COX7B2: variants seen among roughly 807,000 people sequenced by gnomAD.
The protein encoded by COX7B2 is cytochrome c oxidase subunit 7B2.
For synonymous variants in COX7B2, 37 were observed against 32.1 expected (o/e 1.15, Z -0.51); for missense variants, 109 against 95.9 (o/e 1.14, Z -0.57).
At chr4:46,735,633 C>T (rs1714319049) in intron 2 of COX7B2, among the ~76,000 whole-genome samples, 1 of 152,198 alleles carries the variant, frequency 6.6e-6, no homozygotes, top group Non-Finnish European at 1.5e-5. Context: ...TTTTCTCCCT[C>T]CTGCTTAACC....
At chr4:46,743,263 T>C (rs779072373) in intron 2 of COX7B2, among the ~76,000 whole-genome samples, 3 of 152,226 alleles carry the variant, frequency 2.0e-5, no homozygotes, top group Non-Finnish European at 2.9e-5. Flanking sequence ...GGTCCCAAAA[T>C]GTGCTAGTCC....
At chr4:46,834,203 T>G (rs530917034) in intron 2 of COX7B2, among the ~76,000 whole-genome samples, 1 of 152,232 alleles carries the variant, frequency 6.6e-6, no homozygotes, top group African/African-American at 2.4e-5. Flanking sequence ...ATAAATATAG[T>G]ATGATCCCAA....
intron 2 of COX7B2, among the ~76,000 whole-genome samples, chr4:46,755,385 C>T (rs1715724970): frequency 6.6e-6 from 1 of 151,868 alleles, no homozygotes; most frequent in East Asian, 1.9e-4. Context: ...TTCTAATTCC[C>T]TCTAATCTAA....
chr4:46,788,676 A>G (rs1398695727), intron 2 of COX7B2, among the ~76,000 whole-genome samples: 2 of 152,196 alleles, frequency 1.3e-5, no homozygotes, highest in East Asian at 1.9e-4. Context: ...ATGTATTTGT[A>G]TATATAACTT....
At chr4:46,864,447 G>T (rs1026827562) in intron 1 of COX7B2, among the ~76,000 whole-genome samples, 1 of 152,108 alleles carries the variant, frequency 6.6e-6, no homozygotes, top group Admixed American at 6.5e-5. Context: ...TCCAAGTTGT[G>T]CCTCTGGATC....
intron 2 of COX7B2, among the ~76,000 whole-genome samples, chr4:46,811,733 G>A (rs1020580494): frequency 6.6e-6 from 1 of 152,120 alleles, no homozygotes; most frequent in Non-Finnish European, 1.5e-5. Context: ...CTGAATTGAT[G>A]TCTGTGCATC....
chr4:46,798,589 G>T (rs1335238655), intron 2 of COX7B2, among the ~76,000 whole-genome samples: 1 of 152,166 alleles, frequency 6.6e-6, no homozygotes, highest in Admixed American at 6.6e-5. Flanking sequence ...GCCATGATCT[G>T]CAGAAAGCTA....
At chr4:46,888,682 G>A (rs754561776) in intron 1 of COX7B2, among the ~76,000 whole-genome samples, 13 of 152,058 alleles carry the variant, frequency 8.5e-5, no homozygotes, top group Non-Finnish European at 1.3e-4. Flanking sequence ...TCCTGACCTC[G>A]TGATCCTCCC....
intron 2 of COX7B2, among the ~76,000 whole-genome samples, chr4:46,758,151 G>C (rs1473099550): frequency 6.6e-6 from 1 of 151,660 alleles, no homozygotes; most frequent in Non-Finnish European, 1.5e-5. Context: ...TTCATAACTA[G>C]TATAAGAATT....
At chr4:46,837,244 G>A (rs1355077090) in intron 2 of COX7B2, among the ~76,000 whole-genome samples, 1 of 148,798 alleles carries the variant, frequency 6.7e-6, no homozygotes, top group East Asian at 2.0e-4. Context: ...CAGATGAATG[G>A]ATAAAATGTA....
At chr4:46,838,463 G>C (rs1455225208) in intron 2 of COX7B2, among the ~76,000 whole-genome samples, 3 of 152,032 alleles carry the variant, frequency 2.0e-5, no homozygotes, top group Non-Finnish European at 4.4e-5. Flanking sequence ...ACAGAAGCCA[G>C]TTTACTTATT....
At chr4:46,864,310 T>G (rs1009709650) in intron 1 of COX7B2, among the ~76,000 whole-genome samples, 4 of 152,084 alleles carry the variant, frequency 2.6e-5, no homozygotes, top group African/African-American at 9.7e-5. Flanking sequence ...ACAAACAATG[T>G]TACCTACACT....
intron 1 of COX7B2, among the ~76,000 whole-genome samples, chr4:46,876,404 C>CT (rs1213695191): frequency 0.042 from 5,328 of 128,078 alleles, 153 homozygotes; most frequent in Non-Finnish European, 0.057. Context: ...GTCCTATTGT[C>CT]TTTTTTTTTT....
intron 2 of COX7B2, among the ~76,000 whole-genome samples, chr4:46,842,156 A>C (rs1199475444): frequency 1.3e-5 from 2 of 152,044 alleles, no homozygotes; most frequent in Non-Finnish European, 2.9e-5. Context: ...AATAACAAGC[A>C]ATGTCTTAAT....
intron 1 of COX7B2, among the ~76,000 whole-genome samples, chr4:46,888,138 A>G (rs773462243): frequency 6.6e-6 from 1 of 152,206 alleles, no homozygotes; most frequent in Non-Finnish European, 1.5e-5. Flanking sequence ...CAACAGGAGA[A>G]GCAAAGCGGT....
At chr4:46,890,212 A>C (rs1251814300) in intron 1 of COX7B2, among the ~76,000 whole-genome samples, 37 of 152,210 alleles carry the variant, frequency 2.4e-4, no homozygotes, top group Admixed American at 2.4e-3. Flanking sequence ...TCCTTAGTAC[A>C]TGCTATGTTT....
chr4:46,822,101 C>T (rs1009220889), intron 2 of COX7B2, among the ~76,000 whole-genome samples: 12 of 152,012 alleles, frequency 7.9e-5, no homozygotes, highest in Non-Finnish European at 1.5e-4. Context: ...TTAGTAGACA[C>T]GAGGTTTCAC....
Position 46,745,858 on chromosome 4 carries a change from T to C in COX7B2, c.-49-10617A>G, listed in dbSNP as rs547039955. On this transcript the variant is annotated intron_variant, in intron 2 of 2. Transcript: ENST00000355591. Reference sequence around the variant, plus strand: ...TGAAATCCTACAATTTCCAATTACATTCTTGTTTCAGAGAGGTTACAAGGT... The same window carrying C: ...TGAAATCCTACAATTTCCAATTACACTCTTGTTTCAGAGAGGTTACAAGGT... 3.3e-5 allele frequency among the ~76,000 whole-genome samples: 5 copies of C among 152,334 alleles called. No homozygotes were observed. The South Asian group carries it at 1.0e-3, about 32-fold the overall frequency.
chr4:46,778,611 T>C (rs1307980931), intron 2 of COX7B2, among the ~76,000 whole-genome samples: 1 of 152,150 alleles, frequency 6.6e-6, no homozygotes, highest in Admixed American at 6.5e-5. Flanking sequence ...AATGTGCATT[T>C]GATGCTAATG....
Sources: allele counts gnomAD v4.1 joint callset (sites outside exome capture counted in the v4.1 genomes callset), GRCh38; gene constraint gnomAD v4.1.1; transcripts MANE v1.5; gene names NCBI Gene and HGNC (gene_info 2026-07-23, HGNC 2026-07-21).